Variants in ARSI observed in about 807,000 individuals in gnomAD.
ARSI encodes the protein arylsulfatase family member I, also known as arylsulfatase I.
ARSI carries 37 observed loss-of-function variants against 42.1 expected under a neutral mutation model. The observed-to-expected ratio is 0.88, with a 90% CI of 0.68 to 1.16. ARSI has a LOEUF of 1.16. Ranked by LOEUF, ARSI falls within the 50% of genes most tolerant of loss-of-function variation. The pLI is 0.00. For missense variants in ARSI, 725 were observed against 790.1 expected, an observed-to-expected ratio of 0.92 and a Z score of 0.99; for synonymous variants, 305 against 320.3, an observed-to-expected ratio of 0.95 and a Z score of 0.51.
chr5:150,302,357 C>G lies in ARSI; in HGVS notation c.17G>C (p.Gly6Ala), dbSNP rs1328624287. The change falls in exon 1 of 2, where the codon GGC becomes GCC. Residue 6 changes from glycine to alanine, a missense_variant. Physicochemically the swap from Gly to Ala is moderately conservative, Grantham distance 60 (BLOSUM62 0). Transcript: ENST00000328668. This position sits in a 1 kb window ranked among gnomAD's most constrained non-coding sequence, Gnocchi z 6.1. The part of the protein sequence containing the change: MHTLT[G>A]FSLVSLLSFG... Reference sequence around the variant, plus strand: ...GCTGAGCAGGCTGACCAGGGAGAAGCCAGTGAGGGTGTGCATCGCCAAGCC... The same window carrying G: ...GCTGAGCAGGCTGACCAGGGAGAAGGCAGTGAGGGTGTGCATCGCCAAGCC... 1 of 1,515,728 alleles carries G rather than the reference C, an allele frequency of 6.6e-7. No individual in the cohort carries two copies. Among genetic ancestry groups the G allele is most frequent in the Admixed American group, 2.3e-5 (1 of 43,008 alleles). The allele number at this position is 1,515,728 out of a possible 1,614,324, so 93.9% of individuals were successfully genotyped here.
rs563986261 is a variant in ARSI, at chr5:150,297,718, G to A, written c.1206C>T (p.Gly402=). 1.1e-5 allele frequency: 17 copies of A among 1,613,264 alleles called. No homozygotes were observed. The African/African-American group carries it at 2.3e-4, about 21-fold the overall frequency. The part of the protein sequence containing the change: ...IDPLYNHAQH[G]SLEGGFGIWN... The stretch of plus-strand genomic sequence containing the variant: ...AGATGCCAAAGCCGCCCTCCAGGGA[G>A]CCATGCTGGGCATGGTTGTAGAGTG... Residue 402 remains glycine (G), a synonymous_variant, in exon 2 of 2, where the codon GGC becomes GGT. Transcript: ENST00000328668. The surrounding 1 kb of genome is among the most constrained non-coding windows in gnomAD (Gnocchi z 7.0).
Position 150,302,191 on chromosome 5 carries a change from G to T in ARSI, c.183C>A (p.Asp61Glu), listed in dbSNP as rs1407469054. Reference sequence around the variant, plus strand: ...CGATATCTGAACCATGGTAGCCCACGTCGTGGTAGCCTTGGTCGTCCGTGA... The same window carrying T: ...CGATATCTGAACCATGGTAGCCCACTTCGTGGTAGCCTTGGTCGTCCGTGA... ...FILTDDQGYH[D>E]VGYHGSDIET... The change falls in exon 1 of 2, where the codon GAC (aspartate) becomes GAA (glutamate). Residue 61 changes from aspartate (D) to glutamate (E), a missense_variant. Asp to Glu is a conservative substitution (Grantham distance 45, BLOSUM62 2). Coordinates refer to ENST00000328668, the MANE Select transcript of ARSI (RefSeq NM_001012301.4). The surrounding 1 kb of genome is among the most constrained non-coding windows in gnomAD (Gnocchi z 6.1). The T allele has an allele frequency of 4.3e-6, 7 of 1,614,004 alleles. No individual in the cohort carries two copies.
In ARSI at chr5:150,302,082, T is replaced by A. The variant is rs974014166; in HGVS notation, c.292A>T (p.Ser98Cys). 3 of 1,595,132 alleles carry A rather than the reference T, an allele frequency of 1.9e-6. No individual in the cohort carries two copies. The African/African-American group carries it at 4.0e-5, about 21-fold the overall frequency. Residue 98 changes from serine (S) to cysteine (C), a missense_variant, in exon 1 of 2, where the codon AGC becomes TGC. By Grantham distance (112) the Ser-to-Cys change is moderately radical. Coordinates refer to ENST00000328668, the MANE Select transcript of ARSI (RefSeq NM_001012301.4). This position sits in a 1 kb window ranked among gnomAD's most constrained non-coding sequence, Gnocchi z 6.1. ...GCCTACCTGCCAGTGAGGAGCTGGC[T>A]CCGCGAAGGCGTGCAGATGGGCTGG... ...YIQPICTPSRSQLLTGRYQIH... is the reference protein window; with the variant it reads ...YIQPICTPSRCQLLTGRYQIH...
Position 150,297,416 on chromosome 5 carries a change from C to A in ARSI, c.1508G>T (p.Arg503Leu). The stretch of plus-strand genomic sequence containing the variant: ...AGCCCGGGGGTTCTCAGCTGGGTAG[C>A]GTACCGGGATGGCTGTGCGGTTATA... ...AEYNRTAIPVRYPAENPRAHP... is the reference protein window; with the variant it reads ...AEYNRTAIPVLYPAENPRAHP... The change falls in exon 2 of 2, where the codon CGC (arginine) becomes CTC (leucine). Residue 503 changes from arginine (R) to leucine (L), a missense_variant. Transcript: ENST00000328668. The surrounding 1 kb of genome is among the most constrained non-coding windows in gnomAD (Gnocchi z 7.0). 1 of 1,607,682 alleles carries A rather than the reference C, an allele frequency of 6.2e-7. No homozygotes were observed. The highest frequency in any genetic ancestry group is 1.1e-5 in the South Asian group (1 of 90,090).
chr5:150,302,546 T>A lies in ARSI; in HGVS notation c.-173A>T. 1 of 474,170 alleles carries A rather than the reference T, an allele frequency of 2.1e-6. No individual in the cohort carries two copies. Among genetic ancestry groups the A allele is most frequent in the Non-Finnish European group, 3.4e-6 (1 of 292,850 alleles). The allele number at this position is 474,170 out of a possible 1,614,324, so 29.4% of individuals were successfully genotyped here. A position where few individuals can be genotyped will look rare whatever the true frequency, so the allele number is the denominator to read the frequency against. On this transcript the variant is annotated 5_prime_UTR_variant, in exon 1 of 2. Transcript: ENST00000328668. The surrounding 1 kb of genome is among the most constrained non-coding windows in gnomAD (Gnocchi z 6.1). ...GGCTGCCGGACGGCTGGGCCGGATC[T>A]GCTCGGCCGCAGCGGGGCGCTCTGG...
chr5:150,302,071 G>T lies in ARSI; in HGVS notation c.303C>A (p.Leu101=). ...PICTPSRSQL[L]TGRYQIHTGL... ...CCTTGAGCCACGCCTACCTGCCAGT[G>T]AGGAGCTGGCTCCGCGAAGGCGTGC... The change falls in exon 1 of 2, where the codon CTC becomes CTA. Residue 101 remains leucine, a synonymous_variant. Coordinates refer to ENST00000328668, the MANE Select transcript of ARSI (RefSeq NM_001012301.4). The surrounding 1 kb of genome is among the most constrained non-coding windows in gnomAD (Gnocchi z 6.1). The T allele has an allele frequency of 6.3e-7, 1 of 1,586,884 alleles. No homozygotes were observed. Among genetic ancestry groups the T allele is most frequent in the African/African-American group, 1.3e-5 (1 of 74,724 alleles).
intron 1 of ARSI, among the ~76,000 whole-genome samples, chr5:150,300,300 G>A (rs1757897805): frequency 6.6e-6 from 1 of 152,134 alleles, no homozygotes; most frequent in Non-Finnish European, 1.5e-5. Flanking sequence ...ATAAAACCAA[G>A]TCCCCCGAAA....
Position 150,297,420 on chromosome 5 carries a change from C to A in ARSI, c.1504G>T (p.Val502Leu). ...LAEYNRTAIPVRYPAENPRAH... is the reference protein window; with the variant it reads ...LAEYNRTAIPLRYPAENPRAH... ...CGGGGGTTCTCAGCTGGGTAGCGTA[C>A]CGGGATGGCTGTGCGGTTATATTCG... is the stretch of plus-strand genomic sequence containing the variant. Residue 502 changes from valine to leucine, a missense_variant, in exon 2 of 2, where the codon GTA (valine) becomes TTA (leucine). Transcript: ENST00000328668. This position sits in a 1 kb window ranked among gnomAD's most constrained non-coding sequence, Gnocchi z 7.0. The A allele has an allele frequency of 6.2e-7, 1 of 1,607,958 alleles. No individual in the cohort carries two copies. Among genetic ancestry groups the A allele is most frequent in the Non-Finnish European group, 8.5e-7 (1 of 1,176,724 alleles).
rs371548577 is a variant in ARSI at position 150,297,396 on chromosome 5, G to A, written c.1528C>T (p.Arg510Trp). ...IPVRYPAENP[R>W]AHPDFNGGAW... is the part of the protein sequence containing the mutation. ...CCCCCATTAAAGTCAGGATGAGCCCGGGGGTTCTCAGCTGGGTAGCGTACC... is the reference window on the plus strand; with the variant it reads ...CCCCCATTAAAGTCAGGATGAGCCCAGGGGTTCTCAGCTGGGTAGCGTACC... Residue 510 changes from arginine to tryptophan, a missense_variant, in exon 2 of 2, where the codon CGG becomes TGG. Physicochemically the swap from Arg to Trp is moderately radical, Grantham distance 101. Coordinates refer to ENST00000328668, the MANE Select transcript of ARSI (RefSeq NM_001012301.4). The surrounding 1 kb of genome is among the most constrained non-coding windows in gnomAD (Gnocchi z 7.0). 1.6e-5 allele frequency: 25 copies of A among 1,608,618 alleles called. No homozygotes were observed. Among genetic ancestry groups the A allele is most frequent in the South Asian group, 4.4e-5 (4 of 90,216 alleles).
intron 1 of ARSI, among the ~76,000 whole-genome samples, chr5:150,300,363 G>A (rs1480502383): frequency 6.6e-6 from 1 of 152,170 alleles, no homozygotes; most frequent in Non-Finnish European, 1.5e-5. Context: ...GCTAAGCTTT[G>A]AACCTGGGTC....
intron 1 of ARSI, among the ~76,000 whole-genome samples, chr5:150,300,307 G>A (rs901336476): frequency 1.1e-4 from 17 of 152,126 alleles, no homozygotes; most frequent in Admixed American, 8.5e-4. Flanking sequence ...CAAGTCCCCC[G>A]AAAGTGCAGC....
At position 150,297,464 on chromosome 5, in the gene ARSI, G is replaced by T. The variant is rs150757880; in HGVS notation, c.1460C>A (p.Thr487Asn). The T allele has an allele frequency of 1.5e-5, 24 of 1,612,702 alleles. No homozygotes were observed. The African/African-American group carries it at 2.9e-4, about 20-fold the overall frequency. Reference protein sequence around the residue: ...LAGQRPDVVRTLLARLAEYNR... With the variant: ...LAGQRPDVVRNLLARLAEYNR... ...ATATTCGGCCAGGCGAGCCAGCAGGGTGCGGACCACATCAGGCCGCTGGCC... is the reference window on the plus strand; with the variant it reads ...ATATTCGGCCAGGCGAGCCAGCAGGTTGCGGACCACATCAGGCCGCTGGCC... Residue 487 changes from threonine (T) to asparagine (N), a missense_variant, in exon 2 of 2, where the codon ACC (threonine) becomes AAC (asparagine). Physicochemically the swap from Thr to Asn is moderately conservative, Grantham distance 65 (BLOSUM62 0). Transcript: ENST00000328668. This position sits in a 1 kb window ranked among gnomAD's most constrained non-coding sequence, Gnocchi z 7.0.
rs989066441 is a variant in ARSI at position 150,302,797 on chromosome 5, A to C, written c.-424T>G. ...TTTCCCGGCCTCTCGCCCCACCCGG[A>C]GTCCTTAAAACAGCCCAGCTCCCTG... On this transcript the variant is annotated 5_prime_UTR_variant, in exon 1 of 2. Coordinates refer to ENST00000328668, the MANE Select transcript of ARSI (RefSeq NM_001012301.4). The surrounding 1 kb of genome is among the most constrained non-coding windows in gnomAD (Gnocchi z 6.1). 6.4e-6 allele frequency: 1 copy of C among 155,426 alleles called. No individual in the cohort carries two copies. The highest frequency in any genetic ancestry group is 2.4e-5 in the African/African-American group (1 of 41,572). The allele number at this position is 155,426 out of a possible 1,614,324, so 9.6% of individuals were successfully genotyped here. A position where few individuals can be genotyped will look rare whatever the true frequency, so the allele number is the denominator to read the frequency against.
Position 150,298,417 on chromosome 5 carries a change from G to C in ARSI, c.507C>G (p.Gly169=). 6.2e-7 allele frequency: 1 copy of C among 1,614,222 alleles called. No homozygotes were observed. Among genetic ancestry groups the C allele is most frequent in the African/African-American group, 1.3e-5 (1 of 75,058 alleles). The change falls in exon 2 of 2, where the codon GGC becomes GGG. Residue 169 remains glycine (G), a synonymous_variant. Coordinates refer to ENST00000328668, the MANE Select transcript of ARSI (RefSeq NM_001012301.4). ...PTRRGFDTFL[G]SLTGNVDYYT... ...AATAGTCCACATTGCCCGTGAGCGAGCCCAGGAAGGTGTCGAAGCCCCGAC... is the reference window on the plus strand; with the variant it reads ...AATAGTCCACATTGCCCGTGAGCGACCCCAGGAAGGTGTCGAAGCCCCGAC...
Position 150,302,315 on chromosome 5 carries a change from C to A in ARSI, c.59G>T (p.Trp20Leu). ...VSLLSFGYLS[W>L]DWAKPSFVAD... is the part of the protein sequence containing the mutation. ...CACGAAGCTCGGCTTGGCCCAGTCC[C>A]AGGACAGGTAGCCGAAGCTGAGCAG... Residue 20 changes from tryptophan (W) to leucine (L), a missense_variant, in exon 1 of 2, where the codon TGG becomes TTG. Trp to Leu is a moderately conservative substitution (Grantham distance 61). Transcript: ENST00000328668. This position sits in a 1 kb window ranked among gnomAD's most constrained non-coding sequence, Gnocchi z 6.1. 6.3e-7 allele frequency: 1 copy of A among 1,590,462 alleles called. No individual in the cohort carries two copies. Among genetic ancestry groups the A allele is most frequent in the Admixed American group, 1.8e-5 (1 of 55,630 alleles).
chr5:150,300,557 A>C (rs1757901922), intron 1 of ARSI, among the ~76,000 whole-genome samples: 1 of 152,208 alleles, frequency 6.6e-6, no homozygotes, highest in South Asian at 2.1e-4. Context: ...GCTAAGAGTC[A>C]CCAAAGCCCA....
chr5:150,299,382 G>A (rs964884867), intron 1 of ARSI, among the ~76,000 whole-genome samples: 9 of 151,944 alleles, frequency 5.9e-5, no homozygotes, highest in South Asian at 2.1e-4. Context: ...GATTATACTC[G>A]TCTGCACATG....
rs1454361918 is a variant in ARSI, at chr5:150,302,463, G to A, written c.-90C>T. 1.9e-6 allele frequency: 2 copies of A among 1,039,658 alleles called. No homozygotes were observed. The highest frequency in any genetic ancestry group is 1.3e-6 in the Non-Finnish European group (1 of 779,614). The allele number at this position is 1,039,658 out of a possible 1,614,324, so 64.4% of individuals were successfully genotyped here. The stretch of plus-strand genomic sequence containing the variant: ...GGGCGCACCACCGGCCCGCCGGCTC[G>A]GATGCTGCGAGGGAGTTCAGCGCCC... On this transcript the variant is annotated 5_prime_UTR_variant, in exon 1 of 2. Coordinates refer to ENST00000328668, the MANE Select transcript of ARSI (RefSeq NM_001012301.4). The surrounding 1 kb of genome is among the most constrained non-coding windows in gnomAD (Gnocchi z 6.1).
intron 1 of ARSI, among the ~76,000 whole-genome samples, chr5:150,300,521 C>T (rs555211721): frequency 2.0e-5 from 3 of 152,282 alleles, no homozygotes; most frequent in East Asian, 3.9e-4. Flanking sequence ...TGCTGTGGAG[C>T]GCTGGCTTGT....
Sources: allele counts gnomAD v4.1 joint callset (sites outside exome capture counted in the v4.1 genomes callset), GRCh38; gene constraint gnomAD v4.1.1; non-coding constraint Gnocchi (gnomAD v3.1); transcripts MANE v1.5; gene names NCBI Gene and HGNC (gene_info 2026-07-23, HGNC 2026-07-21).